Variants in SLC12A5 observed in about 807,000 individuals in gnomAD.
The protein encoded by SLC12A5 is solute carrier family 12 member 5.
A neutral mutation model predicts 124.0 loss-of-function variants in SLC12A5; 18 were observed. The observed-to-expected ratio is 0.15, with a 90% CI of 0.10 to 0.22. The LOEUF (loss-of-function observed/expected upper bound fraction) is 0.22. Ranked by LOEUF, SLC12A5 falls within the 10% of genes least tolerant of loss-of-function variation. The pLI is 1.00. For missense variants in SLC12A5, 867 were observed against 1,478.7 expected, an observed-to-expected ratio of 0.59 and a Z score of 6.78; for synonymous variants, 589 against 568.0, an observed-to-expected ratio of 1.04 and a Z score of -0.53.
At position 46,056,136 on chromosome 20, in the gene SLC12A5, A is replaced by G. The variant is rs1303087285; in HGVS notation, c.2788-14A>G. On this transcript the variant is annotated splice_polypyrimidine_tract_variant and intron_variant, in intron 21 of 25. Transcript: ENST00000243964. This position sits in a 1 kb window ranked among gnomAD's most constrained non-coding sequence, Gnocchi z 4.3. ...CTCCCAGCAGAGCTGGCACCAACCT[A>G]TGTCACTCCCTAGATCCAGAGTATC... 4 of 1,613,844 alleles carry G rather than the reference A, an allele frequency of 2.5e-6. No individual in the cohort carries two copies. Among genetic ancestry groups the G allele is most frequent in the African/African-American group, 2.7e-5 (2 of 75,034 alleles).
chr20:46,045,184 G>A lies in SLC12A5; in HGVS notation c.1569+44G>A, dbSNP rs371777754. 27 of 1,524,228 alleles carry A rather than the reference G, an allele frequency of 1.8e-5. No homozygotes were observed. In the East Asian group the frequency reaches 2.0e-4, roughly 11 times the overall value. The allele number at this position is 1,524,228 out of a possible 1,614,324, so 94.4% of individuals were successfully genotyped here. ...CAGCCCACCCTCAGTAGACCAGCCA[G>A]GCCCCTGCCCAGAGAGACCACACAG... is the stretch of plus-strand genomic sequence containing the variant. On this transcript the variant is annotated intron_variant, in intron 12 of 25. Coordinates refer to ENST00000243964, the MANE Select transcript of SLC12A5 (RefSeq NM_020708.5). The surrounding 1 kb of genome is among the most constrained non-coding windows in gnomAD (Gnocchi z 4.9).
intron 1 of SLC12A5, among the ~76,000 whole-genome samples, chr20:46,032,136 C>T (rs535915720): frequency 5.3e-5 from 8 of 152,232 alleles, no homozygotes; most frequent in Non-Finnish European, 1.2e-4. Context: ...CCGCGCTGCG[C>T]GCCGCGTTAC....
intron 14 of SLC12A5, among the ~76,000 whole-genome samples, chr20:46,046,958 C>G (rs938433300): frequency 6.6e-6 from 1 of 152,228 alleles, no homozygotes; most frequent in Admixed American, 6.5e-5. Context: ...CGGGGGCAGA[C>G]AGAGCAGAAA....
Position 46,058,320 on chromosome 20 carries a change from T to C in SLC12A5, c.*715T>C, listed in dbSNP as rs2084715915. ...GGCCCAGGCGGGGGTCGTGGCCTCG[T>C]TCCCTCGACACCTCCGTCCTGCTCT... On this transcript the variant is annotated 3_prime_UTR_variant, in exon 26 of 26. Transcript: ENST00000243964. The surrounding 1 kb of genome is among the most constrained non-coding windows in gnomAD (Gnocchi z 5.8). The C allele has an allele frequency of 5.0e-6, 2 of 397,502 alleles. No individual in the cohort carries two copies. The highest frequency in any genetic ancestry group is 8.9e-6 in the Non-Finnish European group (2 of 225,708). 24.6% of individuals were successfully genotyped at this position (397,502 alleles called of 1,614,324 possible).
rs1257769355 is a variant in SLC12A5 at position 46,046,068 on chromosome 20, T to A, written c.1688+72T>A. ...CTATCTGAATCCTGCAGCCGTTACC[T>A]GTGACAACCCACCCAGACACTTTAG... On this transcript the variant is annotated intron_variant, in intron 13 of 25. Coordinates refer to ENST00000243964, the MANE Select transcript of SLC12A5 (RefSeq NM_020708.5). 9 of 1,410,764 alleles carry A rather than the reference T, an allele frequency of 6.4e-6. No individual in the cohort carries two copies. The Admixed American group carries it at 1.5e-4, about 24-fold the overall frequency. The allele number at this position is 1,410,764 out of a possible 1,614,324, so 87.4% of individuals were successfully genotyped here. A position where few individuals can be genotyped will look rare whatever the true frequency, so the allele number is the denominator to read the frequency against.
chr20:46,052,911 C>T, intron 18 of SLC12A5, 46 bp from the exon 19 acceptor site: 1 of 1,549,604 alleles, frequency 6.5e-7, no homozygotes, highest in Non-Finnish European at 8.8e-7. Context: ...TTGGGAGAAC[C>T]AGAGTCACTG....
rs1173274644 is a variant in SLC12A5 at position 46,059,081 on chromosome 20, G to A, written c.*1476G>A. On this transcript the variant is annotated 3_prime_UTR_variant, in exon 26 of 26. Coordinates refer to ENST00000243964, the MANE Select transcript of SLC12A5 (RefSeq NM_020708.5). ...GAGGCGTGCTCTGTCCTTAGAGAAG[G>A]CGCGGTGGCCGGGTTCCCTTCCCCT... 8.0e-6 allele frequency: 2 copies of A among 249,392 alleles called. No homozygotes were observed. Among genetic ancestry groups the A allele is most frequent in the Non-Finnish European group, 1.5e-5 (2 of 132,402 alleles). 15.4% of individuals were successfully genotyped at this position (249,392 alleles called of 1,614,324 possible).
At chr20:46,055,923 A>C in intron 21 of SLC12A5, 13 of 552,182 alleles carry the variant, frequency 2.4e-5, no homozygotes, top group East Asian at 6.5e-5. Flanking sequence ...TGCTGTGCCA[A>C]GGTTAACCCT....
Position 46,056,678 on chromosome 20 carries a change from C to T in SLC12A5, c.3110+114C>T. 2.4e-6 allele frequency: 3 copies of T among 1,231,148 alleles called. No homozygotes were observed. Among genetic ancestry groups the T allele is most frequent in the Non-Finnish European group, 3.4e-6 (3 of 879,928 alleles). The allele number at this position is 1,231,148 out of a possible 1,614,324, so 76.3% of individuals were successfully genotyped here. A position where few individuals can be genotyped will look rare whatever the true frequency, so the allele number is the denominator to read the frequency against. On this transcript the variant is annotated intron_variant, in intron 23 of 25. Coordinates refer to ENST00000243964, the MANE Select transcript of SLC12A5 (RefSeq NM_020708.5). This position sits in a 1 kb window ranked among gnomAD's most constrained non-coding sequence, Gnocchi z 4.3. ...GGTCTGTCAGCCTGCAGACCCAGCT[C>T]AGACATTGTCTTGGTTTCTCCATCT...
At chr20:46,021,800 C>G, upstream of SLC12A5, 1 of 1,533,154 alleles carries the variant, frequency 6.5e-7, no homozygotes, top group Non-Finnish European at 8.7e-7. Flanking sequence ...TCGCTGCCCC[C>G]CGCAGGGCCC....
In SLC12A5 at chr20:46,040,391, A is replaced by G. The variant is rs2145487863; in HGVS notation, c.631A>G (p.Met211Val). 6.2e-7 allele frequency: 1 copy of G among 1,614,142 alleles called. No individual in the cohort carries two copies. Among genetic ancestry groups the G allele is most frequent in the Non-Finnish European group, 8.5e-7 (1 of 1,180,042 alleles). ...EILLAYLFPAMAIFKAEDASG... is the reference protein window; with the variant it reads ...EILLAYLFPAVAIFKAEDASG... Reference sequence around the variant, plus strand: ...CCCACAGGCTTACCTCTTCCCAGCCATGGCCATCTTCAAGGCAGAAGATGC... The same window carrying G: ...CCCACAGGCTTACCTCTTCCCAGCCGTGGCCATCTTCAAGGCAGAAGATGC... The change falls in exon 7 of 26, where the codon ATG (methionine) becomes GTG (valine). Residue 211 changes from methionine (M) to valine (V), a missense_variant. Transcript: ENST00000243964.
rs1427813726 is a variant in SLC12A5, at chr20:46,057,823, C to T, written c.*218C>T. ...CAGAGCTCCTCAGTGCCAGTTTGGC[C>T]CCTGGGTCTTCGCTGCCCTTTTTCT... is the stretch of plus-strand genomic sequence containing the variant. On this transcript the variant is annotated 3_prime_UTR_variant, in exon 26 of 26. Coordinates refer to ENST00000243964, the MANE Select transcript of SLC12A5 (RefSeq NM_020708.5). The surrounding 1 kb of genome is among the most constrained non-coding windows in gnomAD (Gnocchi z 7.1). 4.1e-6 allele frequency: 2 copies of T among 492,234 alleles called. No homozygotes were observed. Among genetic ancestry groups the T allele is most frequent in the African/African-American group, 2.1e-5 (1 of 48,678 alleles). The allele number at this position is 492,234 out of a possible 1,614,324, so 30.5% of individuals were successfully genotyped here.
chr20:46,031,915 C>G (rs1406964374), intron 1 of SLC12A5, among the ~76,000 whole-genome samples: 1 of 152,232 alleles, frequency 6.6e-6, no homozygotes, highest in African/African-American at 2.4e-5. Context: ...CTGTTCTGGT[C>G]CTTTGAGAAC....
At chr20:46,029,757 C>T (rs2084429322) in intron 1 of SLC12A5, among the ~76,000 whole-genome samples, 1 of 152,110 alleles carries the variant, frequency 6.6e-6, no homozygotes, top group Admixed American at 6.5e-5. Context: ...CAGGGGACCC[C>T]GGCGTCCTGG....
rs977132140 is a variant in SLC12A5, at chr20:46,040,752, G to GA, written c.854+142dup. The GA allele has an allele frequency of 1.5e-5, 20 of 1,347,318 alleles. No individual in the cohort carries two copies. In the African/African-American group the frequency reaches 2.4e-4, roughly 16 times the overall value. The allele number at this position is 1,347,318 out of a possible 1,614,324, so 83.5% of individuals were successfully genotyped here. On this transcript the variant is annotated intron_variant, in intron 7 of 25. Coordinates refer to ENST00000243964, the MANE Select transcript of SLC12A5 (RefSeq NM_020708.5). ...GTTGGGAGTAGCTTCCCTTGGGAGG[G>GA]AAAATCTCTCTTAGTTTGGGGGCAA...
At chr20:46,048,148 CAG>C (rs1568865276) in intron 16 of SLC12A5, 63 bp downstream of exon 16, 7 of 1,440,858 alleles carry the variant, frequency 4.9e-6, no homozygotes, top group African/African-American at 2.8e-5. Flanking sequence ...GCTCAGGAGA[CAG>C]GGGGAAGGGA....
At position 46,059,550 on chromosome 20, in the gene SLC12A5, G is replaced by A; in HGVS notation, c.*1945G>A. The A allele has an allele frequency of 2.5e-6, 1 of 399,072 alleles. No homozygotes were observed. The allele number at this position is 399,072 out of a possible 1,614,324, so 24.7% of individuals were successfully genotyped here. Reference sequence around the variant, plus strand: ...GATGTGATGGGCTGTGCAGAAGGGGGCTGTATCAACATCAATTAGGGAACC... The same window carrying A: ...GATGTGATGGGCTGTGCAGAAGGGGACTGTATCAACATCAATTAGGGAACC... On this transcript the variant is annotated 3_prime_UTR_variant, in exon 26 of 26. Coordinates refer to ENST00000243964, the MANE Select transcript of SLC12A5 (RefSeq NM_020708.5).
chr20:46,036,118 G>A, intron 4 of SLC12A5, 195 bp downstream of exon 4: 1 of 576,688 alleles, frequency 1.7e-6, no homozygotes, highest in Non-Finnish European at 2.9e-6. Flanking sequence ...TGTTAACCAG[G>A]TTTCACCTGG....
intron 11 of SLC12A5, chr20:46,044,750 A>G: frequency 1.7e-6 from 1 of 578,168 alleles, no homozygotes; most frequent in Non-Finnish European, 3.0e-6. Context: ...TATGCTGGAG[A>G]CAGGCCTAGA....
Sources: allele counts gnomAD v4.1 joint callset (sites outside exome capture counted in the v4.1 genomes callset), GRCh38; gene constraint gnomAD v4.1.1; non-coding constraint Gnocchi (gnomAD v3.1); transcripts MANE v1.5; gene names NCBI Gene and HGNC (gene_info 2026-07-23, HGNC 2026-07-21).